ARAP2: variants seen among roughly 807,000 people sequenced by gnomAD.
The protein encoded by ARAP2 is ArfGAP with RhoGAP domain, ankyrin repeat and PH domain 2, also known as arf-GAP with Rho-GAP domain, ANK repeat and PH domain-containing protein 2.
ARAP2 carries 148 observed loss-of-function variants against 194.5 expected under a neutral mutation model. The observed-to-expected ratio is 0.76, with a 90% CI of 0.67 to 0.87. The LOEUF is 0.87. ARAP2 is among the 40% of genes least tolerant of loss of function. ARAP2 has a pLI of 0.00. For synonymous variants in ARAP2, 695 were observed against 683.5 expected (o/e 1.02, Z -0.26); for missense variants, 2,128 against 1,989.7 (o/e 1.07, Z -1.32).
intron 19 of ARAP2, among the ~76,000 whole-genome samples, chr4:36,144,133 T>C (rs1253243685): frequency 4.6e-5 from 7 of 151,686 alleles, no homozygotes; most frequent in African/African-American, 1.2e-4. Context: ...TTAAAACCTA[T>C]GTATCATTGG....
At chr4:36,214,338 G>T in intron 3 of ARAP2, 84 bp downstream of exon 3, 1 of 1,106,366 alleles carries the variant, frequency 9.0e-7, no homozygotes, top group Non-Finnish European at 1.3e-6. Flanking sequence ...CCACAGGTGG[G>T]CTGCCTTCGC....
At chr4:36,051,328 A>T (rs951132992) in intron 3 of ARAP2, among the ~76,000 whole-genome samples, 1 of 151,972 alleles carries the variant, frequency 6.6e-6, no homozygotes, top group Non-Finnish European at 1.5e-5. Context: ...AAAATACAAA[A>T]ATTAGCTGGG....
chr4:36,085,327 G>T (rs1438945896), intron 28 of ARAP2, among the ~76,000 whole-genome samples: 1 of 151,886 alleles, frequency 6.6e-6, no homozygotes, highest in Non-Finnish European at 1.5e-5. Flanking sequence ...AGCTTTAAGG[G>T]TTGCTTTTTT....
At chr4:36,159,249 T>G (rs1221723053) in intron 14 of ARAP2, 82 bp downstream of exon 14, 1 of 1,311,758 alleles carries the variant, frequency 7.6e-7, no homozygotes, top group Non-Finnish European at 1.0e-6. Flanking sequence ...TTTCTCTTAT[T>G]TGAAAAATCA....
intron 1 of ARAP2, among the ~76,000 whole-genome samples, chr4:36,242,833 T>G (rs975825244): frequency 2.6e-5 from 4 of 152,196 alleles, no homozygotes; most frequent in Admixed American, 1.3e-4. Flanking sequence ...CTCTCTCACT[T>G]ACCCTCTAGG....
chr4:36,178,137 C>T (rs1041700599), intron 8 of ARAP2, 132 bp from the exon 9 acceptor site: 1 of 733,434 alleles, frequency 1.4e-6, no homozygotes, highest in African/African-American at 1.8e-5. Context: ...AATCTAAATG[C>T]TACTGTAAAC....
intron 9 of ARAP2, among the ~76,000 whole-genome samples, chr4:36,171,665 T>C (rs1263062824): frequency 6.6e-6 from 1 of 151,786 alleles, no homozygotes; most frequent in African/African-American, 2.4e-5. Context: ...AAACTTAAAG[T>C]ATAATAATTA....
intron 6 of ARAP2, among the ~76,000 whole-genome samples, chr4:36,200,391 G>A (rs1398390270): frequency 6.6e-6 from 1 of 152,002 alleles, no homozygotes; most frequent in Non-Finnish European, 1.5e-5. Flanking sequence ...GAGTAGCTGG[G>A]ATTACGGGCA....
In ARAP2 at chr4:36,080,642, T is replaced by A. The variant is rs565222057; in HGVS notation, c.4545-363A>T. On this transcript the variant is annotated intron_variant, in intron 30 of 32. Transcript: ENST00000303965. ...AATTCTGAGCCTGAGAAGAAAAATA[T>A]GTGCACATCCTCATAAGAGCAGATC... Among the ~76,000 whole-genome samples the A allele has an allele frequency of 4.6e-5, 7 of 152,280 alleles. No individual in the cohort carries two copies. The East Asian group carries it at 1.2e-3, about 25-fold the overall frequency.
Position 36,124,859 on chromosome 4 carries a change from C to A in ARAP2, c.3746+3G>T, listed in dbSNP as rs2109563008. On this transcript the variant is annotated splice_donor_region_variant and intron_variant, in intron 22 of 32. Coordinates refer to ENST00000303965, the MANE Select transcript of ARAP2 (RefSeq NM_015230.4). ...GTCGAGAAAAGTTCATTCATCTACCCACCTATACAGGTGTTCAATGATAGC... is the reference window on the plus strand; with the variant it reads ...GTCGAGAAAAGTTCATTCATCTACCAACCTATACAGGTGTTCAATGATAGC... 1 of 1,586,412 alleles carries A rather than the reference C, an allele frequency of 6.3e-7. No homozygotes were observed. The highest frequency in any genetic ancestry group is 2.3e-5 in the East Asian group (1 of 44,332).
At chr4:36,110,357 C>T (rs1259860981) in intron 26 of ARAP2, among the ~76,000 whole-genome samples, 3 of 151,832 alleles carry the variant, frequency 2.0e-5, no homozygotes, top group Non-Finnish European at 4.4e-5. Flanking sequence ...ACAGATCTTC[C>T]ACATCATAGT....
intron 20 of ARAP2, among the ~76,000 whole-genome samples, chr4:36,129,527 C>T (rs1387010623): frequency 1.3e-5 from 2 of 151,770 alleles, no homozygotes; most frequent in Non-Finnish European, 2.9e-5. Flanking sequence ...GGGAGAACTC[C>T]TTGTAGCATT....
At chr4:36,241,321 G>A (rs1172646791) in intron 1 of ARAP2, among the ~76,000 whole-genome samples, 1 of 152,104 alleles carries the variant, frequency 6.6e-6, no homozygotes, top group Non-Finnish European at 1.5e-5. Context: ...TATTCCTATT[G>A]GTTTAGCAAT....
chr4:36,224,825 A>C (rs925903783), intron 2 of ARAP2, among the ~76,000 whole-genome samples: 11 of 152,192 alleles, frequency 7.2e-5, no homozygotes, highest in African/African-American at 2.7e-4. Context: ...AAGATTGCTA[A>C]GTATTTTTCT....
chr4:36,085,227 T>C (rs2109359731), intron 28 of ARAP2, among the ~76,000 whole-genome samples: 1 of 152,222 alleles, frequency 6.6e-6, no homozygotes, highest in South Asian at 2.1e-4. Flanking sequence ...AAGTCAAATA[T>C]ACTGGTCTTT....
chr4:36,013,574 G>A (rs1714960168), intron 8 of ARAP2, among the ~76,000 whole-genome samples: 1 of 152,134 alleles, frequency 6.6e-6, no homozygotes, highest in Non-Finnish European at 1.5e-5. Flanking sequence ...TAGCGTATAT[G>A]GATTTAGATC....
chr4:36,210,513 G>T lies in ARAP2; in HGVS notation c.1364C>A (p.Ser455Ter). Residue 455 changes from serine (S) to a stop codon, truncating the protein, a stop_gained, in exon 6 of 33, where the codon TCA (serine) becomes TAA (stop). Coordinates refer to ENST00000303965, the MANE Select transcript of ARAP2 (RefSeq NM_015230.4). LOFTEE classifies it high-confidence loss of function. ...TGATGAATCAGCATTTCCACTTGTT[G>T]AGCTTAACGGATAACTGTGCCTATT... ...SVNRHSYPLS[S>*]TSGNADSSAV... The T allele has an allele frequency of 1.2e-6, 2 of 1,613,898 alleles. No homozygotes were observed. The highest frequency in any genetic ancestry group is 1.7e-6 in the Non-Finnish European group (2 of 1,179,858).
intron 27 of ARAP2, among the ~76,000 whole-genome samples, chr4:36,099,306 A>G (rs115792870): frequency 7.9e-5 from 12 of 152,214 alleles, no homozygotes; most frequent in East Asian, 5.8e-4. Context: ...TCTATCGTTG[A>G]TGAGTATTTG....
intron 31 of ARAP2, 58 bp downstream of exon 31, chr4:36,080,158 A>G: frequency 7.0e-7 from 1 of 1,431,720 alleles, no homozygotes; most frequent in Non-Finnish European, 9.7e-7. Flanking sequence ...CATCACACTA[A>G]CATTTCCTGT....
Sources: gnomAD v4.1 joint callset for allele counts (sites outside exome capture counted in the v4.1 genomes callset) on GRCh38, gnomAD v4.1.1 for gene constraint, MANE v1.5 for transcripts, NCBI Gene and HGNC (gene_info 2026-07-23, HGNC 2026-07-21) for gene names.